Variants in KCNG3 observed in about 807,000 individuals in gnomAD.
KCNG3 encodes the protein voltage-gated potassium channel regulatory subunit KCNG3.
A neutral mutation model predicts 29.0 loss-of-function variants in KCNG3; 15 were observed. That is an observed-to-expected ratio of 0.52 (90% confidence interval 0.35 to 0.80). The LOEUF (loss-of-function observed/expected upper bound fraction) is 0.80. KCNG3 is among the 30% of genes least tolerant of loss of function. The pLI, the probability that KCNG3 is intolerant of heterozygous loss-of-function variation, is 0.01. For missense variants in KCNG3, 512 were observed against 605.7 expected (o/e 0.85, Z 1.62); for synonymous variants, 322 against 248.9 (o/e 1.29, Z -2.76).
intron 1 of KCNG3, among the ~76,000 whole-genome samples, chr2:42,488,842 G>A (rs1673799418): frequency 6.6e-6 from 1 of 151,914 alleles, no homozygotes; most frequent in Admixed American, 6.6e-5. Flanking sequence ...GAGCCACCAC[G>A]CCTGGCCCCA....
chr2:42,480,367 C>G (rs141300941), intron 1 of KCNG3, among the ~76,000 whole-genome samples: 1 of 152,264 alleles, frequency 6.6e-6, no homozygotes, highest in Non-Finnish European at 1.5e-5. Flanking sequence ...TAGCTAGACA[C>G]TGGTAAAGTG....
chr2:42,470,321 C>T (rs980176155), intron 1 of KCNG3: 3 of 285,240 alleles, frequency 1.1e-5, no homozygotes, highest in African/African-American at 2.3e-5. Flanking sequence ...AAAAAATGTA[C>T]AGATTCTATA....
chr2:42,450,429 C>A lies in KCNG3; in HGVS notation c.666-5850G>T, dbSNP rs190016538. 4.9e-4 allele frequency among the ~76,000 whole-genome samples: 75 copies of A among 152,306 alleles called. 1 individual carries two copies. In the South Asian group the frequency reaches 5.6e-3, roughly 11 times the overall value. On this transcript the variant is annotated intron_variant, in intron 1 of 1. Coordinates refer to ENST00000306078, the MANE Select transcript of KCNG3 (RefSeq NM_133329.6). ...TCATGTTTCCAAATGGCACTCTCAC[C>A]AATGCCACCACTGACAACTGCTGAA... is the stretch of plus-strand genomic sequence containing the variant.
intron 1 of KCNG3, among the ~76,000 whole-genome samples, chr2:42,486,279 A>C (rs1376313567): frequency 6.6e-6 from 1 of 152,180 alleles, no homozygotes; most frequent in Admixed American, 6.5e-5. Flanking sequence ...TTAATGACAT[A>C]ATAACACCCA....
chr2:42,483,614 G>C (rs144322823), intron 1 of KCNG3, among the ~76,000 whole-genome samples: 1 of 152,160 alleles, frequency 6.6e-6, no homozygotes. Flanking sequence ...GGACTGTAAT[G>C]AGACTTAGAC....
At chr2:42,464,543 C>A (rs1673094160) in intron 1 of KCNG3, among the ~76,000 whole-genome samples, 1 of 152,222 alleles carries the variant, frequency 6.6e-6, no homozygotes, top group Non-Finnish European at 1.5e-5. Context: ...ACTCCTAACT[C>A]TCCACAGATA....
chr2:42,421,603 T>A, the KCNG3 span, among the ~76,000 whole-genome samples: 1 of 152,228 alleles, frequency 6.6e-6, no homozygotes, highest in African/African-American at 2.4e-5. Context: ...TTTCTGATCA[T>A]ATCAAAATTT....
chr2:42,459,733 T>G (rs1349507241), intron 1 of KCNG3, among the ~76,000 whole-genome samples: 1 of 152,100 alleles, frequency 6.6e-6, no homozygotes, highest in African/African-American at 2.4e-5. Context: ...TCCCAGCTCT[T>G]TGGGAGGTCA....
chr2:42,399,529 C>T, the KCNG3 span, among the ~76,000 whole-genome samples: 3 of 152,030 alleles, frequency 2.0e-5, no homozygotes, highest in Non-Finnish European at 4.4e-5. Flanking sequence ...TCCCATGCAG[C>T]ATTTATTTAT....
chr2:42,415,440 A>G, the KCNG3 span: 1 of 152,164 alleles, frequency 6.6e-6, no homozygotes, highest in Non-Finnish European at 1.5e-5. Context: ...TAAGAGTCTC[A>G]TGCTTCCATG....
intron 1 of KCNG3, among the ~76,000 whole-genome samples, chr2:42,477,084 C>T (rs994908581): frequency 6.7e-6 from 1 of 149,434 alleles, no homozygotes; most frequent in African/African-American, 2.5e-5. Context: ...CCCAGCTGCT[C>T]AGGAGGCTGA....
chr2:42,436,938 T>A, the KCNG3 span, among the ~76,000 whole-genome samples: 1,060 of 152,308 alleles, frequency 7.0e-3, 6 homozygotes, highest in Non-Finnish European at 0.01. Context: ...AAATTTTTTT[T>A]AAAATCTCCT....
At chr2:42,467,499 C>A (rs1673170195) in intron 1 of KCNG3, among the ~76,000 whole-genome samples, 1 of 150,534 alleles carries the variant, frequency 6.6e-6, no homozygotes, top group South Asian at 2.1e-4. Context: ...GAAAACCCAT[C>A]TCTACTAAAA....
At chr2:42,476,981 CG>C (rs1673441862) in intron 1 of KCNG3, among the ~76,000 whole-genome samples, 1 of 145,844 alleles carries the variant, frequency 6.9e-6, no homozygotes, top group South Asian at 2.2e-4. Context: ...GTCCGGAGAT[CG>C]AGACCATCCT....
In KCNG3 at chr2:42,442,584, G is replaced by C. The variant is rs1213386274; in HGVS notation, c.*1350C>G. 6.6e-6 allele frequency: 1 copy of C among 152,090 alleles called. No homozygotes were observed. Among genetic ancestry groups the C allele is most frequent in the Non-Finnish European group, 1.5e-5 (1 of 67,998 alleles). 9.4% of individuals were successfully genotyped at this position (152,090 alleles called of 1,614,324 possible). On this transcript the variant is annotated 3_prime_UTR_variant, in exon 2 of 2. Transcript: ENST00000306078. The stretch of plus-strand genomic sequence containing the variant: ...CATCACCCACCACTTCCCAATCCCT[G>C]TCTTCTCTACCTCTGACAAAATTAC...
chr2:42,478,837 A>C (rs1673507122), intron 1 of KCNG3, among the ~76,000 whole-genome samples: 1 of 152,214 alleles, frequency 6.6e-6, no homozygotes, highest in East Asian at 1.9e-4. Flanking sequence ...TGTGCATCCC[A>C]GTTTATTTCA....
At chr2:42,398,248 TAAATAAATAAATAAATA>T in the KCNG3 span, among the ~76,000 whole-genome samples, 9 of 136,384 alleles carry the variant, frequency 6.6e-5, no homozygotes, top group Non-Finnish European at 1.3e-4. Flanking sequence ...AATAAATAAA[TAAATAAATAAATAAATA>T]AAATAAAATA....
intron 1 of KCNG3, among the ~76,000 whole-genome samples, chr2:42,475,766 A>G (rs1055973652): frequency 9.8e-5 from 15 of 152,308 alleles, no homozygotes; most frequent in African/African-American, 3.1e-4. Context: ...AAAATTCAGT[A>G]TAAAATTAAT....
chr2:42,405,322 C>A, the KCNG3 span, among the ~76,000 whole-genome samples: 1 of 151,958 alleles, frequency 6.6e-6, no homozygotes, highest in Non-Finnish European at 1.5e-5. Context: ...AAAAGAATTG[C>A]TTTTGGTTTT....
Sources: gnomAD v4.1 joint callset for allele counts (sites outside exome capture counted in the v4.1 genomes callset) on GRCh38, gnomAD v4.1.1 for gene constraint, MANE v1.5 for transcripts, NCBI Gene and HGNC (gene_info 2026-07-23, HGNC 2026-07-21) for gene names.